The following OCA2 variants were observed in gnomAD, a reference collection of about 807,000 sequenced individuals.
The protein encoded by OCA2 is OCA2 melanosomal transmembrane protein.
In OCA2, 77 loss-of-function variants were observed where a neutral mutation model predicts 100.2. That is an observed-to-expected ratio of 0.77 (90% confidence interval 0.64 to 0.93). The LOEUF is 0.93. OCA2 is among the 40% of genes least tolerant of loss of function. The probability of loss-of-function intolerance (pLI) is 0.00; values close to 1 mark genes in which losing one functional copy is unlikely to be tolerated. For missense variants in OCA2, 1,062 were observed against 1,089.1 expected (o/e 0.98, Z 0.35); for synonymous variants, 432 against 439.2 (o/e 0.98, Z 0.21).
chr15:28,098,370 G>A (rs1467255084), intron 1 of OCA2, among the ~76,000 whole-genome samples: 1 of 152,204 alleles, frequency 6.6e-6, no homozygotes, highest in Non-Finnish European at 1.5e-5. Context: ...CCCGTCCCAG[G>A]GTCCTGGATG....
Position 27,870,402 on chromosome 15 carries a change from C to G in OCA2, c.2244+752G>C, listed in dbSNP as rs1030457313. Reference sequence around the variant, plus strand: ...GTGCAAGCCCCTGGGCCTATCTTTACTTTGCCACACCTGGATTCCCAGTTC... The same window carrying G: ...GTGCAAGCCCCTGGGCCTATCTTTAGTTTGCCACACCTGGATTCCCAGTTC... On this transcript the variant is annotated intron_variant, in intron 21 of 23. Coordinates refer to ENST00000354638, the MANE Select transcript of OCA2 (RefSeq NM_000275.3). Among the ~76,000 whole-genome samples the G allele has an allele frequency of 9.2e-5, 14 of 152,172 alleles. 1 individual carries two copies. The highest frequency in any genetic ancestry group is 8.5e-4 in the Admixed American group (13 of 15,284).
At chr15:27,925,606 T>G (rs1271226080) in intron 19 of OCA2, among the ~76,000 whole-genome samples, 1 of 152,096 alleles carries the variant, frequency 6.6e-6, no homozygotes, top group Non-Finnish European at 1.5e-5. Flanking sequence ...GTTTGAGGAG[T>G]AGTATCTTTC....
the OCA2 span, among the ~76,000 whole-genome samples, chr15:27,732,203 T>C: frequency 1.3e-5 from 2 of 152,234 alleles, no homozygotes; most frequent in Admixed American, 6.5e-5. Flanking sequence ...TTGAGAACAA[T>C]GAATTCCATC....
At chr15:28,054,792 TTTAA>T (rs2043636419) in intron 2 of OCA2, among the ~76,000 whole-genome samples, 1 of 152,042 alleles carries the variant, frequency 6.6e-6, no homozygotes, top group Non-Finnish European at 1.5e-5. Context: ...AGAAAAGAGG[TTTAA>T]TTGACTCACA....
In OCA2 at chr15:27,876,393, T is replaced by C. The variant is rs184139864; in HGVS notation, c.2080-4471A>G. On this transcript the variant is annotated intron_variant, in intron 19 of 23. Transcript: ENST00000354638. ...TTGGATCTATGTGAGTGGGAGATGG[T>C]GATCTGTAATTTTCTTTTCACATAA... is the stretch of plus-strand genomic sequence containing the variant. Among the ~76,000 whole-genome samples the C allele has an allele frequency of 3.4e-3, 514 of 152,168 alleles. 1 individual carries two copies. The highest frequency in any genetic ancestry group is 0.01 in the Middle Eastern group (3 of 294).
rs1025224593 is a variant in OCA2 at position 27,771,739 on chromosome 15, C to T, written c.2433-16267G>A. Among the ~76,000 whole-genome samples, 6 of 152,208 alleles carry T rather than the reference C, an allele frequency of 3.9e-5. No individual in the cohort carries two copies. In the East Asian group the frequency reaches 1.2e-3, roughly 29 times the overall value. The stretch of plus-strand genomic sequence containing the variant: ...AATCGTCTGACTTTAATCTTCTTTA[C>T]CTCTGCTACTGTATTCCCTTTTTAA... On this transcript the variant is annotated intron_variant, in intron 23 of 23. Coordinates refer to ENST00000354638, the MANE Select transcript of OCA2 (RefSeq NM_000275.3).
At chr15:27,983,197 A>T in intron 14 of OCA2, 148 bp downstream of exon 14, 1 of 915,290 alleles carries the variant, frequency 1.1e-6, no homozygotes, top group Admixed American at 1.9e-5. Context: ...GTCACCTAAC[A>T]TCCCAGTCTT....
intron 2 of OCA2, among the ~76,000 whole-genome samples, chr15:28,038,709 A>G (rs1219325789): frequency 1.3e-5 from 2 of 152,242 alleles, no homozygotes; most frequent in Non-Finnish European, 2.9e-5. Flanking sequence ...ACATCTGAGA[A>G]GACTGTAAGC....
chr15:27,939,701 T>A (rs1003643581), intron 18 of OCA2, among the ~76,000 whole-genome samples: 7 of 152,214 alleles, frequency 4.6e-5, no homozygotes, highest in African/African-American at 1.7e-4. Context: ...TGCAGGTGCA[T>A]TAGACACGGT....
intron 22 of OCA2, among the ~76,000 whole-genome samples, chr15:27,845,685 G>C (rs2151382462): frequency 6.6e-6 from 1 of 152,260 alleles, no homozygotes; most frequent in Admixed American, 6.5e-5. Flanking sequence ...CCCAGGGAAG[G>C]CCCAGGAGCC....
At chr15:28,079,623 G>A (rs891017959) in intron 2 of OCA2, among the ~76,000 whole-genome samples, 1 of 152,192 alleles carries the variant, frequency 6.6e-6, no homozygotes, top group African/African-American at 2.4e-5. Flanking sequence ...GCGGTTCCCT[G>A]TTGCTCCTCC....
At chr15:27,883,968 A>C (rs1391870166) in intron 19 of OCA2, among the ~76,000 whole-genome samples, 2 of 152,258 alleles carry the variant, frequency 1.3e-5, no homozygotes, top group African/African-American at 4.8e-5. Flanking sequence ...CAAATATATT[A>C]TAATTGAATT....
intron 18 of OCA2, among the ~76,000 whole-genome samples, chr15:27,940,449 CCT>C (rs1223239991): frequency 8.5e-5 from 13 of 152,198 alleles, no homozygotes; most frequent in South Asian, 2.1e-4. Context: ...AGTTCTATCC[CCT>C]GTCTCTTCCT....
At chr15:28,082,689 C>A (rs4778137) in intron 1 of OCA2, among the ~76,000 whole-genome samples, 3 of 152,004 alleles carry the variant, frequency 2.0e-5, no homozygotes, top group African/African-American at 7.3e-5. Context: ...TACATACATA[C>A]AACAGAGGCC....
At chr15:28,020,673 A>G (rs2042565666) in intron 6 of OCA2, among the ~76,000 whole-genome samples, 1 of 151,998 alleles carries the variant, frequency 6.6e-6, no homozygotes, top group Admixed American at 6.6e-5. Flanking sequence ...CGGTTCTCTC[A>G]CATGGAGATA....
chr15:27,939,513 T>G (rs944477587), intron 18 of OCA2, among the ~76,000 whole-genome samples: 2 of 152,214 alleles, frequency 1.3e-5, no homozygotes, highest in African/African-American at 4.8e-5. Context: ...TACTGATGAC[T>G]TACGAGGTTG....
chr15:28,084,946 T>G (rs2044752262), intron 1 of OCA2, among the ~76,000 whole-genome samples: 1 of 152,158 alleles, frequency 6.6e-6, no homozygotes, highest in Non-Finnish European at 1.5e-5. Context: ...CATCCACCAC[T>G]TTGCTGTATT....
chr15:28,011,154 C>T (rs531324275), intron 9 of OCA2, among the ~76,000 whole-genome samples: 56 of 152,158 alleles, frequency 3.7e-4, no homozygotes, highest in Non-Finnish European at 4.3e-4. Flanking sequence ...TCACTTAAAA[C>T]TCTCACACAA....
intron 23 of OCA2, among the ~76,000 whole-genome samples, chr15:27,803,365 A>G (rs920933000): frequency 6.6e-6 from 1 of 152,254 alleles, no homozygotes; most frequent in African/African-American, 2.4e-5. Context: ...AAATTGTGGT[A>G]TATCTACACA....
Sources: gnomAD v4.1 joint callset for allele counts (sites outside exome capture counted in the v4.1 genomes callset) on GRCh38, gnomAD v4.1.1 for gene constraint, MANE v1.5 for transcripts, NCBI Gene and HGNC (gene_info 2026-07-23, HGNC 2026-07-21) for gene names.